The following GIT1 variants were observed in gnomAD, a reference collection of about 807,000 sequenced individuals.
GIT1 encodes GIT ArfGAP 1.
In GIT1, 14 loss-of-function variants were observed where a neutral mutation model predicts 91.7. The ratio of observed to expected loss-of-function variants is 0.15; its 90% confidence interval spans 0.10 to 0.24. The LOEUF (loss-of-function observed/expected upper bound fraction) is 0.24. GIT1 is among the 10% of genes least tolerant of loss of function. The pLI, the probability that GIT1 is intolerant of heterozygous loss-of-function variation, is 1.00. For synonymous variants in GIT1, 414 were observed against 418.2 expected (o/e 0.99, Z 0.12); for missense variants, 717 against 1,024.9 (o/e 0.70, Z 4.10).
chr17:29,577,299 G>A (rs1308970274), intron 10 of GIT1, 52 bp from the exon 11 acceptor site: 3 of 1,378,916 alleles, frequency 2.2e-6, no homozygotes, highest in Non-Finnish European at 3.1e-6. Flanking sequence ...TATGACTGAC[G>A]CAGGACGGCA....
At chr17:29,576,736 G>GT (rs2033219067) in intron 12 of GIT1, 62 bp from the exon 13 acceptor site, 3 of 1,600,754 alleles carry the variant, frequency 1.9e-6, no homozygotes, top group Admixed American at 3.3e-5. Flanking sequence ...CCCGCAGGGG[G>GT]CAGTTATTGA....
rs2033728524 is a variant in GIT1 at position 29,589,391 on chromosome 17, C to A, written c.-13G>T. On this transcript the variant is annotated 5_prime_UTR_variant, in exon 1 of 20. Coordinates refer to ENST00000225394, the MANE Select transcript of GIT1 (RefSeq NM_014030.4). The surrounding 1 kb of genome is among the most constrained non-coding windows in gnomAD (Gnocchi z 5.2). Reference sequence around the variant, plus strand: ...CCTTTCGGGACATCCTCAGCGGCGACGCGGCCGCAGCCCTCTGGGCCAGCG... The same window carrying A: ...CCTTTCGGGACATCCTCAGCGGCGAAGCGGCCGCAGCCCTCTGGGCCAGCG... 3 of 1,047,860 alleles carry A rather than the reference C, an allele frequency of 2.9e-6. No homozygotes were observed. The highest frequency in any genetic ancestry group is 2.9e-5 in the South Asian group (1 of 33,930). 64.9% of individuals were successfully genotyped at this position (1,047,860 alleles called of 1,614,324 possible).
chr17:29,583,412 G>C (rs2033470656), intron 2 of GIT1, 71 bp downstream of exon 2: 1 of 1,533,236 alleles, frequency 6.5e-7, no homozygotes, highest in Admixed American at 1.7e-5. Context: ...ATGTGGGTGA[G>C]GGGGAAACGC....
chr17:29,575,146 C>T lies in GIT1; in HGVS notation c.2010-4G>A, dbSNP rs555497918. 1.5e-4 allele frequency: 241 copies of T among 1,594,672 alleles called. 3 individuals are homozygous for T. The South Asian group carries it at 2.5e-3, about 17-fold the overall frequency. On this transcript the variant is annotated splice_region_variant and splice_polypyrimidine_tract_variant and intron_variant, in intron 18 of 19. Coordinates refer to ENST00000225394, the MANE Select transcript of GIT1 (RefSeq NM_014030.4). This position sits in a 1 kb window ranked among gnomAD's most constrained non-coding sequence, Gnocchi z 5.5. ...CTTCTCTGAGCAGGGCACGAAGCTG[C>T]GGGGAGAAGGGAGGCTATAAAGCAG...
At chr17:29,584,465 G>A (rs1215969899) in intron 1 of GIT1, among the ~76,000 whole-genome samples, 1 of 152,234 alleles carries the variant, frequency 6.6e-6, no homozygotes, top group Non-Finnish European at 1.5e-5. Flanking sequence ...GGCCAGGACT[G>A]GGTGGGAGTT....
Position 29,574,624 on chromosome 17 carries a change from G to T in GIT1, c.*78C>A. On this transcript the variant is annotated 3_prime_UTR_variant, in exon 20 of 20. Coordinates refer to ENST00000225394, the MANE Select transcript of GIT1 (RefSeq NM_014030.4). ...CTTGTGCCAGTGGCTCTGTTGGGGT[G>T]GGGATTAATGTCTGGAGTGGCCCAG... is the stretch of plus-strand genomic sequence containing the variant. The T allele has an allele frequency of 8.5e-7, 1 of 1,177,580 alleles. No homozygotes were observed. Among genetic ancestry groups the T allele is most frequent in the Non-Finnish European group, 1.3e-6 (1 of 790,658 alleles). The allele number at this position is 1,177,580 out of a possible 1,614,324, so 72.9% of individuals were successfully genotyped here. A position where few individuals can be genotyped will look rare whatever the true frequency, so the allele number is the denominator to read the frequency against.
chr17:29,581,305 G>C lies in GIT1; in HGVS notation c.761+33C>G, dbSNP rs143703920. Reference sequence around the variant, plus strand: ...TCAGCCACCCACATGGCATCCAACAGCCTCTGGAAAGGGGCATCAGGTGGG... The same window carrying C: ...TCAGCCACCCACATGGCATCCAACACCCTCTGGAAAGGGGCATCAGGTGGG... On this transcript the variant is annotated intron_variant, in intron 7 of 19. Transcript: ENST00000225394. The surrounding 1 kb of genome is among the most constrained non-coding windows in gnomAD (Gnocchi z 4.8). The C allele has an allele frequency of 6.4e-7, 1 of 1,572,350 alleles. No individual in the cohort carries two copies. The highest frequency in any genetic ancestry group is 8.8e-7 in the Non-Finnish European group (1 of 1,142,556).
intron 2 of GIT1, 30 bp from the exon 3 acceptor site, chr17:29,583,067 T>C (rs764525521): frequency 3.6e-6 from 5 of 1,401,838 alleles, no homozygotes; most frequent in Non-Finnish European, 2.0e-6. Context: ...AGTGAGAGAG[T>C]GCCCACTGCG....
rs774733467 is a variant in GIT1 at position 29,574,620 on chromosome 17, G to C, written c.*82C>G. Reference sequence around the variant, plus strand: ...GGCACTTGTGCCAGTGGCTCTGTTGGGGTGGGGATTAATGTCTGGAGTGGC... The same window carrying C: ...GGCACTTGTGCCAGTGGCTCTGTTGCGGTGGGGATTAATGTCTGGAGTGGC... On this transcript the variant is annotated 3_prime_UTR_variant, in exon 20 of 20. Transcript: ENST00000225394. 1 of 1,152,640 alleles carries C rather than the reference G, an allele frequency of 8.7e-7. No homozygotes were observed. Among genetic ancestry groups the C allele is most frequent in the South Asian group, 1.3e-5 (1 of 79,842 alleles). 71.4% of individuals were successfully genotyped at this position (1,152,640 alleles called of 1,614,324 possible). A position where few individuals can be genotyped will look rare whatever the true frequency, so the allele number is the denominator to read the frequency against.
At position 29,576,064 on chromosome 17, in the gene GIT1, T is replaced by C; in HGVS notation, c.1665+14A>G. 1 of 1,613,104 alleles carries C rather than the reference T, an allele frequency of 6.2e-7. No homozygotes were observed. The highest frequency in any genetic ancestry group is 1.1e-5 in the South Asian group (1 of 91,078). ...ACCTACTGGCTAAGATGGACACGCC[T>C]TCCCCAGGCTTACCCGGTAAAGGCC... On this transcript the variant is annotated intron_variant, in intron 15 of 19. Coordinates refer to ENST00000225394, the MANE Select transcript of GIT1 (RefSeq NM_014030.4).
rs769861158 is a variant in GIT1 at position 29,576,969 on chromosome 17, T to G, written c.1121A>C (p.Gln374Pro). The change falls in exon 12 of 20, where the codon CAG becomes CCG. Residue 374 changes from glutamine (Q) to proline (P), a missense_variant. Gln to Pro is a moderately conservative substitution (Grantham distance 76, BLOSUM62 -1). Around this residue, in one of 3 missense-constraint regions of GIT1, gnomAD observed 312 missense variants for 349.5 expected, o/e 0.89. Coordinates refer to ENST00000225394, the MANE Select transcript of GIT1 (RefSeq NM_014030.4). ...TDNLELSLRS[Q>P]SDLDDQHDYD... Reference sequence around the variant, plus strand: ...GTCGTGTTGGTCGTCGAGGTCACTCTGGCTCCGCAGAGACAGCTCGAGGTT... The same window carrying G: ...GTCGTGTTGGTCGTCGAGGTCACTCGGGCTCCGCAGAGACAGCTCGAGGTT... 13 of 1,602,444 alleles carry G rather than the reference T, an allele frequency of 8.1e-6. No individual in the cohort carries two copies. The highest frequency in any genetic ancestry group is 1.1e-5 in the Non-Finnish European group (13 of 1,179,252).
Position 29,583,597 on chromosome 17 carries a change from G to A in GIT1, c.72C>T (p.Ile24=). The A allele has an allele frequency of 1.3e-6, 2 of 1,599,770 alleles. No individual in the cohort carries two copies. Among genetic ancestry groups the A allele is most frequent in the Non-Finnish European group, 1.7e-6 (2 of 1,174,514 alleles). ...CSAPDPGWAS[I]SRGVLVCDEC... ...CGTCACACACCAGCACACCCCTGCTGATGGATGCCCAGCCAGGGTCTGCCA... is the reference window on the plus strand; with the variant it reads ...CGTCACACACCAGCACACCCCTGCTAATGGATGCCCAGCCAGGGTCTGCCA... Residue 24 remains isoleucine, a synonymous_variant, in exon 2 of 20, where the codon ATC becomes ATT. Transcript: ENST00000225394.
intron 1 of GIT1, among the ~76,000 whole-genome samples, chr17:29,585,347 C>T (rs1411170908): frequency 6.6e-6 from 1 of 152,124 alleles, no homozygotes; most frequent in Non-Finnish European, 1.5e-5. Context: ...AAGTGGGGAG[C>T]CGCCCAGGGC....
rs761195356 is a variant in GIT1 at position 29,581,782 on chromosome 17, G to A, written c.678C>T (p.Leu226=). 1 of 1,612,158 alleles carries A rather than the reference G, an allele frequency of 6.2e-7. No individual in the cohort carries two copies. Among genetic ancestry groups the A allele is most frequent in the Non-Finnish European group, 8.5e-7 (1 of 1,179,960 alleles). ...AGAGGTAGAAGGCCAGCCGGTCAGT[G>A]AGCTCATATTGGCACTCAACCAGCC... ...AERLVECQYE[L]TDRLAFYLCG... is the part of the protein sequence containing the mutation. Residue 226 remains leucine (L), a synonymous_variant, in exon 6 of 20, where the codon CTC becomes CTT. Transcript: ENST00000225394. This position sits in a 1 kb window ranked among gnomAD's most constrained non-coding sequence, Gnocchi z 4.8.
chr17:29,582,176 A>G lies in GIT1; in HGVS notation c.406-32T>C, dbSNP rs765447777. On this transcript the variant is annotated intron_variant, in intron 4 of 19. Coordinates refer to ENST00000225394, the MANE Select transcript of GIT1 (RefSeq NM_014030.4). ...GGAGCAGAGTGTGCAGTGAATACGC[A>G]TGTGCGTGAGGCGCACCTCCCCACC... 9 of 1,482,522 alleles carry G rather than the reference A, an allele frequency of 6.1e-6. No homozygotes were observed. In the Admixed American group the frequency reaches 1.4e-4, roughly 23 times the overall value. The allele number at this position is 1,482,522 out of a possible 1,614,324, so 91.8% of individuals were successfully genotyped here.
rs569266388 is a variant in GIT1, at chr17:29,580,569, C to T, written c.761+769G>A. Reference sequence around the variant, plus strand: ...ACTGCCTCTCAGACGGAAGCAGAAACACCTCATTCAACCAGCCTCAGCGCA... The same window carrying T: ...ACTGCCTCTCAGACGGAAGCAGAAATACCTCATTCAACCAGCCTCAGCGCA... On this transcript the variant is annotated intron_variant, in intron 7 of 19. Coordinates refer to ENST00000225394, the MANE Select transcript of GIT1 (RefSeq NM_014030.4). 1.4e-3 allele frequency among the ~76,000 whole-genome samples: 212 copies of T among 152,284 alleles called. 1 individual carries two copies. Among genetic ancestry groups the T allele is most frequent in the Non-Finnish European group, 2.7e-3 (186 of 68,016 alleles).
chr17:29,585,537 G>C (rs1204638640), intron 1 of GIT1, among the ~76,000 whole-genome samples: 2 of 152,162 alleles, frequency 1.3e-5, no homozygotes, highest in Non-Finnish European at 2.9e-5. Context: ...TGGTCCAAGG[G>C]TTTGCCTGGC....
chr17:29,584,775 G>C (rs754247245), intron 1 of GIT1, among the ~76,000 whole-genome samples: 1 of 152,154 alleles, frequency 6.6e-6, no homozygotes, highest in Non-Finnish European at 1.5e-5. Context: ...AGGGGGATAA[G>C]AATCTCTCCC....
chr17:29,578,420 T>G (rs1416750986), intron 8 of GIT1, 49 bp from the exon 9 acceptor site: 1 of 1,541,630 alleles, frequency 6.5e-7, no homozygotes. Context: ...CGGCTCCCAG[T>G]GCCAAGGCCA....
Sources: gnomAD v4.1 joint callset for allele counts (sites outside exome capture counted in the v4.1 genomes callset) on GRCh38, gnomAD v4.1.1 for gene constraint, gnomAD v4.1.1 regional missense constraint, Gnocchi (gnomAD v3.1) non-coding constraint, MANE v1.5 for transcripts, NCBI Gene and HGNC (gene_info 2026-07-23, HGNC 2026-07-21) for gene names.